Variants in KCNH7 observed in about 807,000 individuals in gnomAD.
KCNH7 encodes potassium voltage-gated channel subfamily H member 7.
In KCNH7, 49 loss-of-function variants were observed where a neutral mutation model predicts 120.8. The observed-to-expected ratio is 0.41, with a 90% CI of 0.32 to 0.51. The LOEUF (loss-of-function observed/expected upper bound fraction) is 0.51, where lower values mean the gene tolerates loss of function less well. Among genes scored for constraint, KCNH7 ranks in the 20% least tolerant of loss-of-function variants. KCNH7 has a pLI of 0.38. For missense variants in KCNH7, 1,097 were observed against 1,446.6 expected, an observed-to-expected ratio of 0.76 and a Z score of 3.92; for synonymous variants, 547 against 516.1, an observed-to-expected ratio of 1.06 and a Z score of -0.81.
intron 2 of KCNH7, among the ~76,000 whole-genome samples, chr2:162,640,073 A>C (rs1684095704): frequency 6.6e-6 from 1 of 152,150 alleles, no homozygotes; most frequent in Non-Finnish European, 1.5e-5. Flanking sequence ...GTAGTGACAA[A>C]GTGTGTTCAT....
intron 14 of KCNH7, among the ~76,000 whole-genome samples, chr2:162,377,015 T>C (rs139855211): frequency 6.2e-4 from 95 of 152,298 alleles, no homozygotes; most frequent in Non-Finnish European, 1.2e-3. Flanking sequence ...AATATGTGTA[T>C]TTGAATGAGA....
intron 2 of KCNH7, among the ~76,000 whole-genome samples, chr2:162,550,157 A>G (rs994045458): frequency 6.6e-6 from 1 of 152,200 alleles, no homozygotes; most frequent in African/African-American, 2.4e-5. Flanking sequence ...TTTATTTTGG[A>G]GCCTAACTTA....
rs552807072 is a variant in KCNH7 at position 162,445,953 on chromosome 2, G to T, written c.1554+65C>A. On this transcript the variant is annotated intron_variant, in intron 7 of 15. Coordinates refer to ENST00000332142, the MANE Select transcript of KCNH7 (RefSeq NM_033272.4). ...TTGCAAAGCAACTCTTCTTTTTGCAGTTAAAATAGATTCACTTTTATAATT... is the reference window on the plus strand; with the variant it reads ...TTGCAAAGCAACTCTTCTTTTTGCATTTAAAATAGATTCACTTTTATAATT... 1.0e-4 allele frequency: 134 copies of T among 1,303,666 alleles called. No homozygotes were observed. In the African/African-American group the frequency reaches 1.7e-3, roughly 17 times the overall value. 80.8% of individuals were successfully genotyped at this position (1,303,666 alleles called of 1,614,324 possible). A position where few individuals can be genotyped will look rare whatever the true frequency, so the allele number is the denominator to read the frequency against.
At chr2:162,700,418 G>C (rs532790399) in intron 2 of KCNH7, among the ~76,000 whole-genome samples, 96 of 152,268 alleles carry the variant, frequency 6.3e-4, no homozygotes, top group Non-Finnish European at 1.2e-3. Flanking sequence ...CAGCTTCTCT[G>C]CTTTCCTTTC....
chr2:162,833,761 A>G (rs1254599821), intron 2 of KCNH7, among the ~76,000 whole-genome samples: 1 of 152,162 alleles, frequency 6.6e-6, no homozygotes, highest in Non-Finnish European at 1.5e-5. Context: ...TGCATAGATC[A>G]CGGGTTTAAA....
chr2:162,497,284 G>C (rs1453510897), intron 6 of KCNH7, among the ~76,000 whole-genome samples: 1 of 152,088 alleles, frequency 6.6e-6, no homozygotes, highest in Non-Finnish European at 1.5e-5. Context: ...TAATCTTTCA[G>C]TTCTTCTTTA....
intron 2 of KCNH7, among the ~76,000 whole-genome samples, chr2:162,727,155 T>G (rs13408999): frequency 0.055 from 8,320 of 152,270 alleles, 720 homozygotes; most frequent in African/African-American, 0.18. Flanking sequence ...CCAAAAGTCC[T>G]GGTTTCCAAG....
At chr2:162,511,653 AT>A (rs1351215157) in intron 5 of KCNH7, among the ~76,000 whole-genome samples, 1 of 151,588 alleles carries the variant, frequency 6.6e-6, no homozygotes, top group African/African-American at 2.4e-5. Flanking sequence ...CTGACCAAAC[AT>A]TTTTGCTCCC....
intron 14 of KCNH7, among the ~76,000 whole-genome samples, chr2:162,375,839 G>C (rs1461131741): frequency 6.6e-6 from 1 of 150,418 alleles, no homozygotes; most frequent in Non-Finnish European, 1.5e-5. Context: ...TTGAGCCTGG[G>C]AGATTGCACC....
chr2:162,429,614 G>A (rs1432048532), intron 8 of KCNH7, among the ~76,000 whole-genome samples: 3 of 150,800 alleles, frequency 2.0e-5, no homozygotes, highest in South Asian at 2.1e-4. Context: ...GCAATATAAC[G>A]ATTTTGTTCC....
chr2:162,669,426 A>G (rs779353486), intron 2 of KCNH7, among the ~76,000 whole-genome samples: 6 of 152,240 alleles, frequency 3.9e-5, no homozygotes, highest in Non-Finnish European at 8.8e-5. Context: ...AGTGGAATGA[A>G]TCTTCAAATT....
chr2:162,552,318 G>T (rs1400836887), intron 2 of KCNH7, among the ~76,000 whole-genome samples: 1 of 152,124 alleles, frequency 6.6e-6, no homozygotes, highest in African/African-American at 2.4e-5. Context: ...AATTTTAACA[G>T]ATATTTATCA....
intron 2 of KCNH7, among the ~76,000 whole-genome samples, chr2:162,786,794 A>C (rs952377705): frequency 2.0e-5 from 3 of 152,200 alleles, no homozygotes; most frequent in Non-Finnish European, 2.9e-5. Context: ...ATCATCAGCA[A>C]CATGGTGGAA....
chr2:162,642,020 C>T lies in KCNH7; in HGVS notation c.308-104940G>A, dbSNP rs144219694. Among the ~76,000 whole-genome samples the T allele has an allele frequency of 8.2e-3, 1,250 of 152,226 alleles. 11 individuals carry two copies. The highest frequency in any genetic ancestry group is 0.012 in the Non-Finnish European group (787 of 68,012). On this transcript the variant is annotated intron_variant, in intron 2 of 15. Transcript: ENST00000332142. ...GTTTGTTCATAAAGAAGCAGGACAA[C>T]GATCTGGCCACTCAGAGGACATATT...
At chr2:162,475,971 A>G (rs964648587) in intron 6 of KCNH7, among the ~76,000 whole-genome samples, 4 of 152,220 alleles carry the variant, frequency 2.6e-5, no homozygotes, top group African/African-American at 7.2e-5. Context: ...CAGGGCAGCA[A>G]TCAATGGGTG....
At chr2:162,660,423 A>G (rs1684918621) in intron 2 of KCNH7, among the ~76,000 whole-genome samples, 1 of 152,024 alleles carries the variant, frequency 6.6e-6, no homozygotes, top group Admixed American at 6.6e-5. Flanking sequence ...TCTTTCAGTT[A>G]TCTTTCTGTC....
At chr2:162,598,248 G>T (rs1694442602) in intron 2 of KCNH7, among the ~76,000 whole-genome samples, 1 of 152,080 alleles carries the variant, frequency 6.6e-6, no homozygotes, top group Non-Finnish European at 1.5e-5. Flanking sequence ...TAATGTGGAT[G>T]TTACCATCTA....
In KCNH7 at chr2:162,612,175, A is replaced by G. The variant is rs371649072; in HGVS notation, c.308-75095T>C. On this transcript the variant is annotated intron_variant, in intron 2 of 15. Transcript: ENST00000332142. The stretch of plus-strand genomic sequence containing the variant: ...TGAGAAATGATCAGGAATCAATATG[A>G]AAAATGCACTAAAATACAGAAGGAA... Among the ~76,000 whole-genome samples the G allele has an allele frequency of 1.6e-4, 24 of 152,320 alleles. 1 individual carries two copies. Among genetic ancestry groups the G allele is most frequent in the East Asian group, 1.4e-3 (7 of 5,182 alleles).
chr2:162,666,367 C>A (rs1333812534), intron 2 of KCNH7, among the ~76,000 whole-genome samples: 1 of 145,886 alleles, frequency 6.9e-6, no homozygotes, highest in East Asian at 2.2e-4. Flanking sequence ...CTGCCCCCCG[C>A]CCCTCCCCAC....
Sources: allele counts gnomAD v4.1 joint callset (sites outside exome capture counted in the v4.1 genomes callset), GRCh38; gene constraint gnomAD v4.1.1; transcripts MANE v1.5; gene names NCBI Gene and HGNC (gene_info 2026-07-23, HGNC 2026-07-21).